Variants in MAGI3 observed in about 807,000 individuals in gnomAD.
MAGI3 encodes the protein membrane associated guanylate kinase, WW and PDZ domain containing 3.
MAGI3 carries 43 observed loss-of-function variants against 121.8 expected under a neutral mutation model. That is an observed-to-expected ratio of 0.35 (90% CI 0.28 to 0.46). The LOEUF (loss-of-function observed/expected upper bound fraction) is 0.46, where lower values mean the gene tolerates loss of function less well. Ranked by LOEUF, MAGI3 falls within the 20% of genes least tolerant of loss-of-function variation. The pLI is 1.00. For synonymous variants in MAGI3, 553 were observed against 639.3 expected, an observed-to-expected ratio of 0.86 and a Z score of 2.04; for missense variants, 1,547 against 1,797.3, an observed-to-expected ratio of 0.86 and a Z score of 2.52.
At position 113,643,744 on chromosome 1, in the gene MAGI3, T is replaced by C. The variant is rs770688447; in HGVS notation, c.1968T>C (p.Gly656=). 6.2e-7 allele frequency: 1 copy of C among 1,613,796 alleles called. No individual in the cohort carries two copies. Among genetic ancestry groups the C allele is most frequent in the Non-Finnish European group, 8.5e-7 (1 of 1,179,800 alleles). Residue 656 remains glycine, a splice_region_variant and synonymous_variant, in exon 11 of 21, where the codon GGT becomes GGC. Coordinates refer to ENST00000307546, the MANE Select transcript of MAGI3 (RefSeq NM_001142782.2). The part of the protein sequence containing the change: ...ADVPLLILRG[G]PPSPTKTAKM... ...ACTTTGGTTCATTTTTTTTTTAAGG[T>C]CCTCCTTCACCAACCAAAACTGCCA...
In MAGI3 at chr1:113,653,875, A is replaced by G. The variant is rs999686664; in HGVS notation, c.2486A>G (p.Gln829Arg). ...AGCTCTCAGGCCTTCATTTCAACAC[A>G]GAATGGATCTCCCCGCCTGAACCGG... ...DDSSQAFIST[Q>R]NGSPRLNRAE... The change falls in exon 15 of 21, where the codon CAG becomes CGG. Residue 829 changes from glutamine (Q) to arginine (R), a missense_variant. Physicochemically the swap from Gln to Arg is conservative, Grantham distance 43 (BLOSUM62 1). Transcript: ENST00000307546. The G allele has an allele frequency of 1.2e-6, 2 of 1,613,262 alleles. No homozygotes were observed. The highest frequency in any genetic ancestry group is 1.7e-5 in the Admixed American group (1 of 59,852).
intron 18 of MAGI3, 76 bp from the exon 19 acceptor site, chr1:113,673,246 A>G (rs1044382115): frequency 4.1e-6 from 6 of 1,476,372 alleles, no homozygotes; most frequent in East Asian, 2.3e-5. Flanking sequence ...TCTTCCAGCT[A>G]TAGAAGTAAT....
rs1409347065 is a variant in MAGI3 at position 113,497,236 on chromosome 1, C to T, written c.317-52279C>T. Among the ~76,000 whole-genome samples, 11 of 104,834 alleles carry T rather than the reference C, an allele frequency of 1.0e-4. 2 individuals are homozygous for T. Among genetic ancestry groups the T allele is most frequent in the African/African-American group, 1.6e-4 (5 of 31,952 alleles). 68.8% of individuals were successfully genotyped at this position (104,834 alleles called of 152,430 possible). ...CACACCACTGGAATAGGAACAGCTC[C>T]GGTCTACAGCTCCCAGCGTGAGCGA... On this transcript the variant is annotated intron_variant, in intron 1 of 20. Transcript: ENST00000307546.
At chr1:113,629,955 C>A (rs115715125) in intron 9 of MAGI3, among the ~76,000 whole-genome samples, 3,243 of 151,892 alleles carry the variant, frequency 0.021, 114 homozygotes, top group African/African-American at 0.074. Context: ...TACCTGGCTG[C>A]CACTTAAATT....
At chr1:113,671,680 C>A in intron 16 of MAGI3, 54 bp from the exon 17 acceptor site, 1 of 1,552,074 alleles carries the variant, frequency 6.4e-7, no homozygotes, top group Non-Finnish European at 8.9e-7. Flanking sequence ...ATCCGCTTGG[C>A]CTTCACATTT....
intron 1 of MAGI3, among the ~76,000 whole-genome samples, chr1:113,437,860 CTTCCT>C (rs1653678624): frequency 2.1e-5 from 1 of 47,012 alleles, no homozygotes; most frequent in Admixed American, 2.4e-4. Context: ...TCTTCTTCTT[CTTCCT>C]CTTCTTCTTC....
At chr1:113,393,753 G>A (rs892070333) in intron 1 of MAGI3, among the ~76,000 whole-genome samples, 3 of 152,176 alleles carry the variant, frequency 2.0e-5, no homozygotes, top group African/African-American at 4.8e-5. Context: ...TGAAAATAGA[G>A]TAAGGGAATT....
At chr1:113,632,771 G>C (rs1039595375) in intron 9 of MAGI3, among the ~76,000 whole-genome samples, 10 of 152,122 alleles carry the variant, frequency 6.6e-5, no homozygotes, top group African/African-American at 2.2e-4. Context: ...GCTGGAAAAA[G>C]AAGGATACTA....
In MAGI3 at chr1:113,659,192, G is replaced by A. The variant is rs762220470; in HGVS notation, c.2742G>A (p.Leu914=). ...TGAATGGGCAGTCCATTGTTGAACT[G>A]TCTCATGATAACATTGTTCAGCTGA... is the stretch of plus-strand genomic sequence containing the variant. The part of the protein sequence containing the change: ...SAVNGQSIVE[L]SHDNIVQLIK... The change falls in exon 16 of 21, where the codon CTG becomes CTA. Residue 914 remains leucine (L), a synonymous_variant. Transcript: ENST00000307546. The A allele has an allele frequency of 1.9e-6, 3 of 1,614,070 alleles. No individual in the cohort carries two copies. Among genetic ancestry groups the A allele is most frequent in the Non-Finnish European group, 2.5e-6 (3 of 1,179,964 alleles).
At chr1:113,591,691 A>G (rs1027886220) in intron 5 of MAGI3, among the ~76,000 whole-genome samples, 1 of 152,168 alleles carries the variant, frequency 6.6e-6, no homozygotes, top group Non-Finnish European at 1.5e-5. Context: ...CAGGTGGTAT[A>G]TTCTTCTTTA....
At chr1:113,527,665 G>T (rs1280360601) in intron 1 of MAGI3, among the ~76,000 whole-genome samples, 1 of 152,192 alleles carries the variant, frequency 6.6e-6, no homozygotes, top group African/African-American at 2.4e-5. Context: ...GGAAACTGCA[G>T]AGAAGTCACT....
At chr1:113,600,251 G>A (rs1649282701) in intron 6 of MAGI3, among the ~76,000 whole-genome samples, 1 of 152,074 alleles carries the variant, frequency 6.6e-6, no homozygotes, top group Non-Finnish European at 1.5e-5. Context: ...GAAATAAACG[G>A]TATTCAATTA....
At chr1:113,437,892 C>T (rs1218066066) in intron 1 of MAGI3, among the ~76,000 whole-genome samples, 187 of 5,478 alleles carry the variant, frequency 0.034, 3 homozygotes, top group East Asian at 0.094. Context: ...TTCTCCTTCT[C>T]CTTCTCCTTC....
rs11302295 is a variant in MAGI3, at chr1:113,670,003, C to CAAA, written c.2816-1711_2816-1709dup. Among the ~76,000 whole-genome samples, 41 of 85,212 alleles carry CAAA rather than the reference C, an allele frequency of 4.8e-4. No homozygotes were observed. The East Asian group carries it at 0.013, about 27-fold the overall frequency. The allele number at this position is 85,212 out of a possible 152,430, so 55.9% of individuals were successfully genotyped here. A position where few individuals can be genotyped will look rare whatever the true frequency, so the allele number is the denominator to read the frequency against. On this transcript the variant is annotated intron_variant, in intron 16 of 20. Coordinates refer to ENST00000307546, the MANE Select transcript of MAGI3 (RefSeq NM_001142782.2). ...AAAGAGCAACAAATTTCCAGGTCTCCAAAAAAAAAAAAAAAAAAAAAAGTT... is the reference window on the plus strand; with the variant it reads ...AAAGAGCAACAAATTTCCAGGTCTCCAAAAAAAAAAAAAAAAAAAAAAAAAGTT...
chr1:113,475,975 A>T (rs1655797895), intron 1 of MAGI3, among the ~76,000 whole-genome samples: 1 of 152,072 alleles, frequency 6.6e-6, no homozygotes, highest in Admixed American at 6.6e-5. Context: ...TGTGTCCAGG[A>T]ATTTATCCAT....
At chr1:113,610,078 C>G (rs1168296235) in intron 6 of MAGI3, among the ~76,000 whole-genome samples, 3 of 152,148 alleles carry the variant, frequency 2.0e-5, no homozygotes, top group African/African-American at 7.2e-5. Context: ...CTTATAGACT[C>G]TTTTTAGCCC....
intron 1 of MAGI3, among the ~76,000 whole-genome samples, chr1:113,420,731 G>T (rs928116607): frequency 1.3e-5 from 2 of 152,154 alleles, no homozygotes; most frequent in Non-Finnish European, 2.9e-5. Context: ...ATATTTCATG[G>T]TTTTGATTAT....
chr1:113,490,639 C>T (rs541869531), intron 1 of MAGI3, among the ~76,000 whole-genome samples: 16 of 152,202 alleles, frequency 1.1e-4, no homozygotes, highest in South Asian at 8.3e-4. Context: ...CAGTCTCACA[C>T]GGAGTGACAT....
At chr1:113,457,890 G>C (rs141607787) in intron 1 of MAGI3, among the ~76,000 whole-genome samples, 1 of 152,264 alleles carries the variant, frequency 6.6e-6, no homozygotes, top group African/African-American at 2.4e-5. Flanking sequence ...GAGGGCACCT[G>C]TTCTAAGAGC....
Sources: gnomAD v4.1 joint callset for allele counts (sites outside exome capture counted in the v4.1 genomes callset) on GRCh38, gnomAD v4.1.1 for gene constraint, MANE v1.5 for transcripts, NCBI Gene and HGNC (gene_info 2026-07-23, HGNC 2026-07-21) for gene names.